Variants in SBDS observed in about 807,000 individuals in gnomAD.
The protein encoded by SBDS is ribosome maturation protein SBDS.
In SBDS, 20 loss-of-function variants were observed where a neutral mutation model predicts 26.4. That is an observed-to-expected ratio of 0.76 (90% CI 0.53 to 1.10). The LOEUF (loss-of-function observed/expected upper bound fraction) is 1.10, where lower values mean the gene tolerates loss of function less well. SBDS is among the 50% of genes least tolerant of loss of function. The pLI, the probability that SBDS is intolerant of heterozygous loss-of-function variation, is 0.00. For synonymous variants in SBDS, 95 were observed against 105.1 expected (o/e 0.90, Z 0.59); for missense variants, 241 against 302.0 (o/e 0.80, Z 1.50).
rs1378062709 is a variant in SBDS, at chr7:66,991,118, G to T, written c.624+19C>A. The T allele has an allele frequency of 6.2e-7, 1 of 1,602,642 alleles. No individual in the cohort carries two copies. The highest frequency in any genetic ancestry group is 8.5e-7 in the Non-Finnish European group (1 of 1,172,144). Reference sequence around the variant, plus strand: ...CAATATTTAGGTAACATGAAGCAAAGAAAATATTTGACTCTTACGATTTCT... The same window carrying T: ...CAATATTTAGGTAACATGAAGCAAATAAAATATTTGACTCTTACGATTTCT... On this transcript the variant is annotated intron_variant, in intron 4 of 4. Coordinates refer to ENST00000246868, the MANE Select transcript of SBDS (RefSeq NM_016038.4).
rs765867601 is a variant in SBDS, at chr7:66,988,434, G to A, written c.690C>T (p.Gly230=). ...GATTGAGTACTTCCAAAGAACCTTT[G>A]CCTTTAGTTTCCTTTTTTATTAGCT... is the stretch of plus-strand genomic sequence containing the variant. ...IDELIKKETK[G]KGSLEVLNLK... is the part of the protein sequence containing the mutation. The change falls in exon 5 of 5, where the codon GGC becomes GGT. Residue 230 remains glycine (G), a synonymous_variant. Coordinates refer to ENST00000246868, the MANE Select transcript of SBDS (RefSeq NM_016038.4). 6.2e-7 allele frequency: 1 copy of A among 1,613,628 alleles called. No individual in the cohort carries two copies. The highest frequency in any genetic ancestry group is 8.5e-7 in the Non-Finnish European group (1 of 1,179,948).
chr7:66,991,240 A>G lies in SBDS; in HGVS notation c.521T>C (p.Leu174Pro). The G allele has an allele frequency of 1.2e-6, 2 of 1,614,056 alleles. No homozygotes were observed. The highest frequency in any genetic ancestry group is 1.7e-6 in the Non-Finnish European group (2 of 1,179,984). ...TTCATTGACTGGAAGGATGAACCGAAGCCTCATGTGAGCACGTTCTATCTT... is the reference window on the plus strand; with the variant it reads ...TTCATTGACTGGAAGGATGAACCGAGGCCTCATGTGAGCACGTTCTATCTT... ...KMKIERAHMR[L>P]RFILPVNEGK... is the part of the protein sequence containing the mutation. The change falls in exon 4 of 5, where the codon CTT becomes CCT. Residue 174 changes from leucine (L) to proline (P), a missense_variant. By Grantham distance (98) the Leu-to-Pro change is moderately conservative. Coordinates refer to ENST00000246868, the MANE Select transcript of SBDS (RefSeq NM_016038.4).
Position 66,995,276 on chromosome 7 carries a change from A to G in SBDS, c.128+14T>C, listed in dbSNP as rs781250001. On this transcript the variant is annotated intron_variant, in intron 1 of 4. Coordinates refer to ENST00000246868, the MANE Select transcript of SBDS (RefSeq NM_016038.4). ...TCAGGCCCAGGCCCAGGCCCGAGGG[A>G]GGGGGCTACTCACACGCCGCTCCGC... 6 of 1,613,344 alleles carry G rather than the reference A, an allele frequency of 3.7e-6. No individual in the cohort carries two copies. The highest frequency in any genetic ancestry group is 5.1e-6 in the Non-Finnish European group (6 of 1,179,928).
Position 66,993,413 on chromosome 7 carries a change from A to G in SBDS, c.263T>C (p.Leu88Ser). The part of the protein sequence containing the change: ...DDQTEICKQI[L>S]TKGEVQVSDK... ...TGATACTTGAACTTCTCCTTTAGTC[A>G]AAATCTAAAAAAATGCCAACACATT... The change falls in exon 3 of 5, where the codon TTG becomes TCG. Residue 88 changes from leucine to serine, a missense_variant. Physicochemically the swap from Leu to Ser is moderately radical, Grantham distance 145 (BLOSUM62 -2). Transcript: ENST00000246868. The G allele has an allele frequency of 6.2e-7, 1 of 1,612,422 alleles. No homozygotes were observed. The highest frequency in any genetic ancestry group is 8.5e-7 in the Non-Finnish European group (1 of 1,178,664).
chr7:66,993,364 C>T lies in SBDS; in HGVS notation c.312G>A (p.Leu104=), dbSNP rs1793016128. 6.2e-7 allele frequency: 1 copy of T among 1,613,986 alleles called. No individual in the cohort carries two copies. Among genetic ancestry groups the T allele is most frequent in the African/African-American group, 1.3e-5 (1 of 74,902 alleles). Residue 104 remains leucine, a synonymous_variant, in exon 3 of 5, where the codon CTG becomes CTA. Transcript: ENST00000246868. ...QVSDKERHTQ[L]EQMFRDIATI... ...TTGCAATGTCCCTAAACATCTGCTC[C>T]AGTTGTGTGTGTCTTTCTTTATCTG...
rs549042603 is a variant in SBDS at position 66,988,516 on chromosome 7, A to T, written c.625-17T>A. On this transcript the variant is annotated splice_polypyrimidine_tract_variant and intron_variant, in intron 4 of 4. Coordinates refer to ENST00000246868, the MANE Select transcript of SBDS (RefSeq NM_016038.4). ...CAGACATACCTGAAACATTTAACGT[A>T]GCAGATTACCACATGAGGATGAGCA... is the stretch of plus-strand genomic sequence containing the variant. 6.8e-5 allele frequency: 109 copies of T among 1,612,636 alleles called. No individual in the cohort carries two copies. The East Asian group carries it at 2.3e-3, about 35-fold the overall frequency.
Position 66,992,996 on chromosome 7 carries a change from G to A in SBDS, c.459+221C>T, listed in dbSNP as rs147896944. ...CACTCCAGCCTGGGCAATAGAGTAAGACTCTGTCTCAAAAAAAAAAAAAAA... is the reference window on the plus strand; with the variant it reads ...CACTCCAGCCTGGGCAATAGAGTAAAACTCTGTCTCAAAAAAAAAAAAAAA... On this transcript the variant is annotated intron_variant, in intron 3 of 4. Transcript: ENST00000246868. 6.9e-3 allele frequency among the ~76,000 whole-genome samples: 1,022 copies of A among 147,906 alleles called. 13 individuals are homozygous for A. The highest frequency in any genetic ancestry group is 0.024 in the African/African-American group (957 of 40,108).
chr7:66,988,824 G>C (rs1409508828), intron 4 of SBDS, among the ~76,000 whole-genome samples: 1 of 152,280 alleles, frequency 6.6e-6, no homozygotes, highest in Non-Finnish European at 1.5e-5. Flanking sequence ...ACATTTTATA[G>C]CTCAGTAAAG....
Position 66,988,381 on chromosome 7 carries a change from T to G in SBDS, c.743A>C (p.Lys248Thr). The G allele has an allele frequency of 6.2e-7, 1 of 1,613,456 alleles. No homozygotes were observed. Among genetic ancestry groups the G allele is most frequent in the Non-Finnish European group, 8.5e-7 (1 of 1,179,988 alleles). ...NLKDVEEGDE[K>T]FE is the part of the protein sequence containing the mutation. Reference sequence around the variant, plus strand: ...AGAGATTGATGGGTGTCATTCAAATTTCTCATCTCCTTCTTCTACATCTTT... The same window carrying G: ...AGAGATTGATGGGTGTCATTCAAATGTCTCATCTCCTTCTTCTACATCTTT... Residue 248 changes from lysine to threonine, a missense_variant, in exon 5 of 5, where the codon AAA becomes ACA. By Grantham distance (78) the Lys-to-Thr change is moderately conservative. Transcript: ENST00000246868.
chr7:66,988,356 A>G lies in SBDS; in HGVS notation c.*15T>C, dbSNP rs767269270. On this transcript the variant is annotated 3_prime_UTR_variant, in exon 5 of 5. Transcript: ENST00000246868. ...AAACACTTTAGTGTTTTAGAGGTGA[A>G]GAGATTGATGGGTGTCATTCAAATT... 1.9e-6 allele frequency: 3 copies of G among 1,612,080 alleles called. No individual in the cohort carries two copies. Among genetic ancestry groups the G allele is most frequent in the East Asian group, 4.5e-5 (2 of 44,864 alleles).
In SBDS at chr7:66,995,380, G is replaced by C. The variant is rs1215736547; in HGVS notation, c.38C>G (p.Thr13Ser). 6.2e-7 allele frequency: 1 copy of C among 1,614,140 alleles called. No homozygotes were observed. Among genetic ancestry groups the C allele is most frequent in the South Asian group, 1.1e-5 (1 of 91,088 alleles). The change falls in exon 1 of 5, where the codon ACC becomes AGC. Residue 13 changes from threonine to serine, a missense_variant. Physicochemically the swap from Thr to Ser is moderately conservative, Grantham distance 58. Coordinates refer to ENST00000246868, the MANE Select transcript of SBDS (RefSeq NM_016038.4). ...CTTCATCCGTACCACGGCCACATTG[G>C]TTAGGCGGATCTGGTTGGTGGGGGT... ...IFTPTNQIRL[T>S]NVAVVRMKRA...
chr7:66,994,426 C>A, intron 1 of SBDS, 85 bp from the exon 2 acceptor site: 1 of 1,197,316 alleles, frequency 8.4e-7, no homozygotes, highest in South Asian at 1.2e-5. Context: ...ATGGCAACAA[C>A]ATGAACGGCA....
At chr7:66,988,781 ACT>A (rs1454332804) in intron 4 of SBDS, among the ~76,000 whole-genome samples, 1 of 151,964 alleles carries the variant, frequency 6.6e-6, no homozygotes, top group African/African-American at 2.4e-5. Flanking sequence ...AAACTAGAAA[ACT>A]CTGATTCTTC....
At position 66,995,470 on chromosome 7, in the gene SBDS, C is replaced by T. The variant is rs1793091834; in HGVS notation, c.-53G>A. ...GCGAACCAGGGCTGACCCGCGCCGT[C>T]CAGCCTGAAGGCCACCAGCGCCTCG... On this transcript the variant is annotated 5_prime_UTR_variant, in exon 1 of 5. Transcript: ENST00000246868. 7.4e-6 allele frequency: 12 copies of T among 1,611,706 alleles called. No homozygotes were observed. Among genetic ancestry groups the T allele is most frequent in the Non-Finnish European group, 9.3e-6 (11 of 1,179,588 alleles).
At chr7:66,990,167 GTGCCACCA>G (rs1792945091) in intron 4 of SBDS, among the ~76,000 whole-genome samples, 1 of 152,096 alleles carries the variant, frequency 6.6e-6, no homozygotes, top group Non-Finnish European at 1.5e-5. Flanking sequence ...TTACAGGCAT[GTGCCACCA>G]CGCCAGACTA....
intron 2 of SBDS, among the ~76,000 whole-genome samples, chr7:66,993,622 C>T (rs1196833769): frequency 6.6e-6 from 1 of 152,038 alleles, no homozygotes; most frequent in Admixed American, 6.6e-5. Context: ...ATCTGTAATC[C>T]CAGCACTTTG....
chr7:66,995,148 C>G, intron 1 of SBDS, 142 bp downstream of exon 1: 1 of 1,201,314 alleles, frequency 8.3e-7, no homozygotes, highest in Non-Finnish European at 1.2e-6. Context: ...ACAGCGACGT[C>G]TCATGCTCAC....
intron 4 of SBDS, among the ~76,000 whole-genome samples, chr7:66,989,036 A>G (rs998606103): frequency 3.3e-5 from 5 of 151,784 alleles, no homozygotes; most frequent in African/African-American, 9.7e-5. Context: ...CACCTGGCTT[A>G]TTTTTTGTAT....
chr7:66,987,993 C>T lies in SBDS; in HGVS notation c.*378G>A, dbSNP rs187662359. 179 of 263,040 alleles carry T rather than the reference C, an allele frequency of 6.8e-4. No individual in the cohort carries two copies. The highest frequency in any genetic ancestry group is 3.5e-3 in the African/African-American group (159 of 45,396). 16.3% of individuals were successfully genotyped at this position (263,040 alleles called of 1,614,324 possible). A position where few individuals can be genotyped will look rare whatever the true frequency, so the allele number is the denominator to read the frequency against. ...TATGTTTTCTTTTTTAGGAAAGACC[C>T]CCCCTTTTGTTGTATAGACATACCC... On this transcript the variant is annotated 3_prime_UTR_variant, in exon 5 of 5. Transcript: ENST00000246868.
Sources: gnomAD v4.1 joint callset for allele counts (sites outside exome capture counted in the v4.1 genomes callset) on GRCh38, gnomAD v4.1.1 for gene constraint, MANE v1.5 for transcripts, NCBI Gene and HGNC (gene_info 2026-07-23, HGNC 2026-07-21) for gene names.